KAT14: variants seen among roughly 807,000 people sequenced by gnomAD.
KAT14 encodes the protein lysine acetyltransferase 14.
Under a neutral mutation model 78.4 loss-of-function variants are expected in KAT14, and 66 were observed. The observed-to-expected ratio is 0.84, with a 90% CI of 0.69 to 1.03. The LOEUF is 1.03. KAT14 is among the 50% of genes least tolerant of loss of function. The pLI, the probability that KAT14 is intolerant of heterozygous loss-of-function variation, is 0.00. For synonymous variants in KAT14, 344 were observed against 359.4 expected, an observed-to-expected ratio of 0.96 and a Z score of 0.48; for missense variants, 870 against 972.5, an observed-to-expected ratio of 0.89 and a Z score of 1.40.
At chr20:18,145,718 C>T (rs1161543547) in intron 3 of KAT14, among the ~76,000 whole-genome samples, 1 of 151,678 alleles carries the variant, frequency 6.6e-6, no homozygotes, top group Non-Finnish European at 1.5e-5. Flanking sequence ...GAGGCGGAGG[C>T]TGCAGTGAGC....
chr20:18,139,279 C>G (rs1386853657), intron 1 of KAT14, among the ~76,000 whole-genome samples: 1 of 152,160 alleles, frequency 6.6e-6, no homozygotes, highest in Non-Finnish European at 1.5e-5. Context: ...ACTTCCGCCT[C>G]TTACAAGGAA....
rs146620856 is a variant in KAT14, at chr20:18,143,174, G to A, written c.259+255G>A. On this transcript the variant is annotated intron_variant, in intron 2 of 10. Coordinates refer to ENST00000688188, the MANE Select transcript of KAT14 (RefSeq NM_001392073.1). ...TAAAATTGAGAAAATTGGAAATCCT[G>A]TGTTACTTAAAGAATTAGCCATATT... 1.3e-4 allele frequency: 161 copies of A among 1,213,908 alleles called. 1 individual carries two copies. In the African/African-American group the frequency reaches 2.2e-3, roughly 17 times the overall value. The allele number at this position is 1,213,908 out of a possible 1,614,324, so 75.2% of individuals were successfully genotyped here. A position where few individuals can be genotyped will look rare whatever the true frequency, so the allele number is the denominator to read the frequency against.
chr20:18,138,052 G>A lies in KAT14; in HGVS notation c.-454+1G>A, dbSNP rs1178359901. ...TGTGAAGCAGCAGTGGGACCAGCAG[G>A]TCGGTGTCACGTGACCGTCTCTTCC... is the stretch of plus-strand genomic sequence containing the variant. On this transcript the variant is annotated splice_donor_variant, in intron 1 of 10. Coordinates refer to ENST00000688188, the MANE Select transcript of KAT14 (RefSeq NM_001392073.1). LOFTEE classifies it low-confidence loss of function (5UTR_SPLICE). 3 of 1,481,166 alleles carry A rather than the reference G, an allele frequency of 2.0e-6. No homozygotes were observed. Among genetic ancestry groups the A allele is most frequent in the African/African-American group, 2.9e-5 (2 of 68,318 alleles). 91.8% of individuals were successfully genotyped at this position (1,481,166 alleles called of 1,614,324 possible).
At chr20:18,176,493 G>C (rs2039056319) in intron 7 of KAT14, among the ~76,000 whole-genome samples, 1 of 152,166 alleles carries the variant, frequency 6.6e-6, no homozygotes, top group African/African-American at 2.4e-5. Context: ...CATGCAGAGT[G>C]AACGTGGGGA....
intron 7 of KAT14, among the ~76,000 whole-genome samples, chr20:18,169,116 T>TA (rs1568670939): frequency 1.3e-5 from 2 of 152,194 alleles, no homozygotes; most frequent in Non-Finnish European, 2.9e-5. Flanking sequence ...AGGCAACCTT[T>TA]ATATTGGTTA....
intron 5 of KAT14, among the ~76,000 whole-genome samples, chr20:18,161,124 A>G (rs6045224): frequency 0.15 from 23,280 of 151,272 alleles, 2,213 homozygotes; most frequent in East Asian, 0.38. Context: ...CAGTGAGCCG[A>G]GATCACACCA....
intron 1 of KAT14, 82 bp from the exon 2 acceptor site, chr20:18,142,126 C>A: frequency 7.3e-7 from 1 of 1,361,342 alleles, no homozygotes; most frequent in Non-Finnish European, 9.7e-7. Flanking sequence ...ATTTTGGTAA[C>A]ACTGTTATTT....
intron 1 of KAT14, 28 bp downstream of exon 1, chr20:18,138,079 G>A (rs1388637399): frequency 6.9e-7 from 1 of 1,445,532 alleles, no homozygotes; most frequent in Non-Finnish European, 9.1e-7. Context: ...GTCTCTTCCG[G>A]GCCCGCGCGC....
Position 18,181,699 on chromosome 20 carries a change from C to CT in KAT14, c.1669-8dup. On this transcript the variant is annotated splice_polypyrimidine_tract_variant and intron_variant, in intron 7 of 10. Transcript: ENST00000688188. ...AATTATTTCTATATAACCAGTGTTT[C>CT]TTTCTCATAGACTTCCTTGCCGTCC... 1 of 1,614,042 alleles carries CT rather than the reference C, an allele frequency of 6.2e-7. No homozygotes were observed. The highest frequency in any genetic ancestry group is 1.3e-5 in the African/African-American group (1 of 75,050).
intron 1 of KAT14, among the ~76,000 whole-genome samples, chr20:18,141,043 TTTTA>T (rs1209483908): frequency 0.15 from 5,006 of 34,426 alleles, 101 homozygotes; most frequent in South Asian, 0.31. Flanking sequence ...TTTTTTTTTT[TTTTA>T]TTTTTATTTT....
At position 18,159,095 on chromosome 20, in the gene KAT14, C is replaced by T. The variant is rs968690042; in HGVS notation, c.512C>T (p.Ser171Phe). The change falls in exon 5 of 11, where the codon TCT becomes TTT. Residue 171 changes from serine to phenylalanine, a missense_variant. Coordinates refer to ENST00000688188, the MANE Select transcript of KAT14 (RefSeq NM_001392073.1). Reference sequence around the variant, plus strand: ...CTTGGACTCTTTAGGAAAAAGACGTCTACCTGGTGGAGCACCGTGGCAGGT... The same window carrying T: ...CTTGGACTCTTTAGGAAAAAGACGTTTACCTGGTGGAGCACCGTGGCAGGT... ...TFLLGNRKKTSTWWSTVAGCL... is the reference protein window; with the variant it reads ...TFLLGNRKKTFTWWSTVAGCL... 6.3e-7 allele frequency: 1 copy of T among 1,598,492 alleles called. No homozygotes were observed.
Position 18,142,656 on chromosome 20 carries a change from A to G in KAT14, c.-5A>G. On this transcript the variant is annotated 5_prime_UTR_variant, in exon 2 of 11. Coordinates refer to ENST00000688188, the MANE Select transcript of KAT14 (RefSeq NM_001392073.1). ...AAGCACTGCCGAGCTTGTGAGAAGG[A>G]AGGGATGGATAGTAGCATCCACCTG... 1 of 1,613,902 alleles carries G rather than the reference A, an allele frequency of 6.2e-7. No individual in the cohort carries two copies. Among genetic ancestry groups the G allele is most frequent in the Non-Finnish European group, 8.5e-7 (1 of 1,179,810 alleles).
chr20:18,159,260 TA>T lies in KAT14; in HGVS notation c.681del (p.Ala228ProfsTer6). ...AAGTTGTCTGCCTCTACTTTGAAAA[TA>T]AAAGGTACTGTTGTGAGAACAGTAC... ...GEKLSASTLK[I>X]KASKPTLDPI... is the part of the protein sequence containing the mutation. On this transcript the variant is annotated frameshift_variant, in exon 5 of 11. Transcript: ENST00000688188. LOFTEE classifies it high-confidence loss of function. 6.2e-7 allele frequency: 1 copy of T among 1,613,626 alleles called. No homozygotes were observed. The highest frequency in any genetic ancestry group is 8.5e-7 in the Non-Finnish European group (1 of 1,179,896).
chr20:18,145,091 TTTTCCCCATTTTGCAA>T (rs2037774725), intron 2 of KAT14, 126 bp from the exon 3 acceptor site: 1 of 1,416,770 alleles, frequency 7.1e-7, no homozygotes, highest in African/African-American at 1.5e-5. Flanking sequence ...ATTCCCTTCC[TTTTCCCCATTTTGCAA>T]TTGTGGGTTG....
intron 5 of KAT14, among the ~76,000 whole-genome samples, chr20:18,161,583 A>G (rs945674940): frequency 9.2e-5 from 14 of 152,202 alleles, no homozygotes; most frequent in African/African-American, 3.4e-4. Context: ...AGCAATCCAA[A>G]TCTGAAAATC....
intron 3 of KAT14, among the ~76,000 whole-genome samples, chr20:18,148,587 A>G (rs1301729468): frequency 2.6e-5 from 4 of 151,922 alleles, no homozygotes; most frequent in Admixed American, 6.6e-5. Context: ...GAGAGCAGAA[A>G]ACTAAACTGG....
intron 3 of KAT14, among the ~76,000 whole-genome samples, chr20:18,149,266 TAAG>T (rs1037175236): frequency 1.3e-5 from 2 of 152,224 alleles, no homozygotes; most frequent in African/African-American, 4.8e-5. Context: ...GCAGTGGAAT[TAAG>T]TACATTCACA....
At chr20:18,174,880 G>A (rs923238182) in intron 7 of KAT14, among the ~76,000 whole-genome samples, 1 of 152,008 alleles carries the variant, frequency 6.6e-6, no homozygotes, top group Admixed American at 6.5e-5. Context: ...GGCCAGGCTG[G>A]TCTCGAACTC....
chr20:18,145,258 C>T lies in KAT14; in HGVS notation c.285C>T (p.Tyr95=). The change falls in exon 3 of 11, where the codon TAC becomes TAT. Residue 95 remains tyrosine, a synonymous_variant. Coordinates refer to ENST00000688188, the MANE Select transcript of KAT14 (RefSeq NM_001392073.1). ...GTCAGCTGAGGGAACAGCTCAGTTA[C>T]CTTAAGGGTGATAATTTTTTTAGGT... ...PASQLREQLS[Y]LKGDNFFRFT... The T allele has an allele frequency of 6.2e-7, 1 of 1,614,116 alleles. No individual in the cohort carries two copies. Among genetic ancestry groups the T allele is most frequent in the South Asian group, 1.1e-5 (1 of 91,082 alleles).
Sources: gnomAD v4.1 joint callset for allele counts (sites outside exome capture counted in the v4.1 genomes callset) on GRCh38, gnomAD v4.1.1 for gene constraint, MANE v1.5 for transcripts, NCBI Gene and HGNC (gene_info 2026-07-23, HGNC 2026-07-21) for gene names.